The following CRYBG2 variants were observed in gnomAD, a reference collection of about 807,000 sequenced individuals.
The protein encoded by CRYBG2 is beta/gamma crystallin domain-containing protein 2.
In CRYBG2, 106 loss-of-function variants were observed where a neutral mutation model predicts 153.4. The ratio of observed to expected loss-of-function variants is 0.69; its 90% CI spans 0.59 to 0.81. The LOEUF is 0.81. Among genes scored for constraint, CRYBG2 ranks in the 30% least tolerant of loss-of-function variants. The probability of loss-of-function intolerance (pLI) is 0.00; values close to 1 mark genes in which losing one functional copy is unlikely to be tolerated. For missense variants in CRYBG2, 1,996 were observed against 2,112.0 expected (o/e 0.95, Z 1.08); for synonymous variants, 851 against 877.8 (o/e 0.97, Z 0.54).
chr1:26,351,856 T>C (rs767553084), intron 1 of CRYBG2, among the ~76,000 whole-genome samples: 7 of 152,162 alleles, frequency 4.6e-5, no homozygotes, highest in Non-Finnish European at 8.8e-5. Context: ...TGCCTATAGA[T>C]GCCCCCTTTT....
chr1:26,329,852 TCTC>T (rs767589494), intron 15 of CRYBG2, among the ~76,000 whole-genome samples: 2 of 152,162 alleles, frequency 1.3e-5, no homozygotes, highest in Non-Finnish European at 2.9e-5. Context: ...TTCAAGCAAT[TCTC>T]CTGCTTCAGC....
Position 26,328,199 on chromosome 1 carries a change from C to T in CRYBG2, c.4578+10G>A, listed in dbSNP as rs776529567. On this transcript the variant is annotated intron_variant, in intron 17 of 19. Transcript: ENST00000308182. Reference sequence around the variant, plus strand: ...CCCCAGACACGCTCAGCTCCAGCCACGCTACCCACCTGCTTGATGGGGTAG... The same window carrying T: ...CCCCAGACACGCTCAGCTCCAGCCATGCTACCCACCTGCTTGATGGGGTAG... 18 of 1,560,720 alleles carry T rather than the reference C, an allele frequency of 1.2e-5. No homozygotes were observed. Among genetic ancestry groups the T allele is most frequent in the African/African-American group, 1.4e-5 (1 of 73,380 alleles).
chr1:26,353,930 G>T (rs527555307), intron 1 of CRYBG2, 106 bp downstream of exon 1: 2 of 398,844 alleles, frequency 5.0e-6, no homozygotes, highest in Non-Finnish European at 8.8e-6. Context: ...TCGGCTCAGG[G>T]TCCTGAATGA....
At position 26,344,430 on chromosome 1, in the gene CRYBG2, G is replaced by A; in HGVS notation, c.2228C>T (p.Thr743Ile). Residue 743 changes from threonine to isoleucine, a missense_variant, in exon 2 of 20, where the codon ACC (threonine) becomes ATC (isoleucine). Coordinates refer to ENST00000308182, the MANE Select transcript of CRYBG2 (RefSeq NM_001039775.4). ...STESQLVSDP[T>I]EGKTCTETSR... ...TGTCTCTGTGCACGTCTTGCCCTCG[G>A]TGGGATCAGAGACAAGCTGGGACTC... The A allele has an allele frequency of 6.6e-7, 1 of 1,524,388 alleles. No homozygotes were observed. The highest frequency in any genetic ancestry group is 2.1e-5 in the Admixed American group (1 of 48,594). The allele number at this position is 1,524,388 out of a possible 1,614,324, so 94.4% of individuals were successfully genotyped here. A position where few individuals can be genotyped will look rare whatever the true frequency, so the allele number is the denominator to read the frequency against.
chr1:26,322,887 C>A lies in CRYBG2; in HGVS notation c.4738-564G>T, dbSNP rs187095733. Among the ~76,000 whole-genome samples the A allele has an allele frequency of 7.2e-5, 11 of 152,278 alleles. 1 individual carries two copies. In the East Asian group the frequency reaches 2.1e-3, roughly 29 times the overall value. ...TGGCCTCATCTCCTGCTACCTCCCC[C>A]TTACTCAACTCACTCTAGCCACCCA... On this transcript the variant is annotated intron_variant, in intron 18 of 19. Coordinates refer to ENST00000308182, the MANE Select transcript of CRYBG2 (RefSeq NM_001039775.4).
Position 26,343,770 on chromosome 1 carries a change from G to A in CRYBG2, c.2888C>T (p.Ala963Val). Residue 963 changes from alanine (A) to valine (V), a missense_variant, in exon 2 of 20, where the codon GCC (alanine) becomes GTC (valine). Transcript: ENST00000308182. The surrounding 1 kb of genome is among the most constrained non-coding windows in gnomAD (Gnocchi z 4.1). ...CCACCCCTCCAGGGGCAGGGAACAG[G>A]CAAGCTTCTCCGTTGGGGATGATCT... ...SERSSPTEKL[A>V]CSLPLEGWSP... 3 of 1,448,456 alleles carry A rather than the reference G, an allele frequency of 2.1e-6. No individual in the cohort carries two copies. Among genetic ancestry groups the A allele is most frequent in the Non-Finnish European group, 2.7e-6 (3 of 1,098,152 alleles). 89.7% of individuals were successfully genotyped at this position (1,448,456 alleles called of 1,614,324 possible). A position where few individuals can be genotyped will look rare whatever the true frequency, so the allele number is the denominator to read the frequency against.
At chr1:26,335,955 C>A in intron 14 of CRYBG2, 140 bp downstream of exon 14, 2 of 625,344 alleles carry the variant, frequency 3.2e-6, no homozygotes, top group South Asian at 3.0e-5. Flanking sequence ...CCATTAAAAC[C>A]TTATTTTGTT....
chr1:26,331,652 C>A, intron 14 of CRYBG2, 34 bp from the exon 15 acceptor site: 1 of 1,608,576 alleles, frequency 6.2e-7, no homozygotes, highest in East Asian at 2.2e-5. Context: ...GGTATCTGAG[C>A]CTACCTGTCC....
At chr1:26,351,491 A>T (rs144252426) in intron 1 of CRYBG2, among the ~76,000 whole-genome samples, 2 of 152,314 alleles carry the variant, frequency 1.3e-5, no homozygotes, top group African/African-American at 4.8e-5. Context: ...CAACTTTCTC[A>T]TGAAAGGTGG....
rs773287037 is a variant in CRYBG2, at chr1:26,345,230, G to T, written c.1428C>A (p.Thr476=). Residue 476 remains threonine, a synonymous_variant, in exon 2 of 20, where the codon ACC becomes ACA. Coordinates refer to ENST00000308182, the MANE Select transcript of CRYBG2 (RefSeq NM_001039775.4). ...GPGAPAASSP[T]RKEVVQGSSA... is the part of the protein sequence containing the mutation. ...TGGACCCCTGCACCACCTCCTTCCG[G>T]GTGGGAGATGAGGCAGCAGGAGCAC... is the stretch of plus-strand genomic sequence containing the variant. The T allele has an allele frequency of 1.3e-6, 2 of 1,534,958 alleles. No individual in the cohort carries two copies. The highest frequency in any genetic ancestry group is 4.7e-5 in the East Asian group (2 of 42,212).
chr1:26,342,572 G>GT (rs2074143671), intron 5 of CRYBG2, among the ~76,000 whole-genome samples, 182 bp downstream of exon 5: 1 of 152,158 alleles, frequency 6.6e-6, no homozygotes, highest in Non-Finnish European at 1.5e-5. Context: ...GCTAATTTTT[G>GT]TATTTTTAGT....
intron 15 of CRYBG2, 96 bp from the exon 16 acceptor site, chr1:26,328,969 G>A (rs972347773): frequency 1.3e-6 from 2 of 1,489,108 alleles, no homozygotes; most frequent in African/African-American, 2.8e-5. Context: ...AGATCTGTAT[G>A]TCAGGCCTTC....
chr1:26,337,629 C>T lies in CRYBG2; in HGVS notation c.3553G>A (p.Val1185Met), dbSNP rs2074078397. The T allele has an allele frequency of 6.2e-7, 1 of 1,613,062 alleles. No individual in the cohort carries two copies. The highest frequency in any genetic ancestry group is 8.5e-7 in the Non-Finnish European group (1 of 1,179,960). The change falls in exon 9 of 20, where the codon GTG becomes ATG. Residue 1185 changes from valine (V) to methionine (M), a missense_variant. Transcript: ENST00000308182. The stretch of plus-strand genomic sequence containing the variant: ...TGAAGGTTGTAGATGTCTCGGCTCA[C>T]TTCCCAGCTGCGGCCCTGAAAGCCT... ...APGFQGRSWE[V>M]SRDIYNLQQP... is the part of the protein sequence containing the mutation.
At chr1:26,329,817 C>T (rs56786979) in intron 15 of CRYBG2, among the ~76,000 whole-genome samples, 19,146 of 152,206 alleles carry the variant, frequency 0.13, 1,368 homozygotes, top group South Asian at 0.21. Context: ...GCAATCTCAG[C>T]TCACTGTAAC....
rs2074220018 is a variant in CRYBG2 at position 26,346,298 on chromosome 1, C to G, written c.360G>C (p.Gln120His). The change falls in exon 2 of 20, where the codon CAG (glutamine) becomes CAC (histidine). Residue 120 changes from glutamine to histidine, a missense_variant. By Grantham distance (24) the Gln-to-His change is conservative (BLOSUM62 0). Coordinates refer to ENST00000308182, the MANE Select transcript of CRYBG2 (RefSeq NM_001039775.4). This position sits in a 1 kb window ranked among gnomAD's most constrained non-coding sequence, Gnocchi z 4.9. ...TGGGAGCTTGGCGGCTGCCATCACT[C>G]TGGTCCACAGCCTCCTTCAGCCTCC... ...PEGRLKEAVD[Q>H]SDGSRQAPRT... 1.3e-5 allele frequency: 21 copies of G among 1,598,274 alleles called. No homozygotes were observed. Among genetic ancestry groups the G allele is most frequent in the East Asian group, 4.5e-5 (2 of 44,842 alleles).
At chr1:26,350,001 G>C (rs2074269855) in intron 1 of CRYBG2, among the ~76,000 whole-genome samples, 1 of 151,914 alleles carries the variant, frequency 6.6e-6, no homozygotes, top group Non-Finnish European at 1.5e-5. Flanking sequence ...TTTTTGTAGA[G>C]TTGGGGTTTC....
In CRYBG2 at chr1:26,344,191, G is replaced by C. The variant is rs1231195592; in HGVS notation, c.2467C>G (p.Leu823Val). 6.5e-7 allele frequency: 1 copy of C among 1,535,780 alleles called. No homozygotes were observed. Among genetic ancestry groups the C allele is most frequent in the South Asian group, 1.2e-5 (1 of 84,014 alleles). The change falls in exon 2 of 20, where the codon CTG becomes GTG. Residue 823 changes from leucine to valine, a missense_variant. Leu to Val is a conservative substitution (Grantham distance 32, BLOSUM62 1). Transcript: ENST00000308182. ...TCCTCCTCCTCCTCTTTCTCTTCCA[G>C]TGAAGGCACCTCCTGGGGTCCGGGG... ...LGPGPQEVPS[L>V]EEKEEEEEEE...
chr1:26,332,950 T>C (rs2074013979), intron 14 of CRYBG2, among the ~76,000 whole-genome samples: 1 of 141,152 alleles, frequency 7.1e-6, no homozygotes, highest in South Asian at 2.2e-4. Flanking sequence ...TGGAAATGTA[T>C]GAGTGTATAT....
chr1:26,336,269 G>T lies in CRYBG2; in HGVS notation c.4072-62C>A. 1 of 1,601,014 alleles carries T rather than the reference G, an allele frequency of 6.2e-7. No individual in the cohort carries two copies. ...GATGGAGTGGGGCCGAGAACAGCGG[G>T]GAGGGGAAAGGTCCGAAATGAGGGG... On this transcript the variant is annotated intron_variant, in intron 13 of 19. Transcript: ENST00000308182. The surrounding 1 kb of genome is among the most constrained non-coding windows in gnomAD (Gnocchi z 4.9).
Sources: gnomAD v4.1 joint callset for allele counts (sites outside exome capture counted in the v4.1 genomes callset) on GRCh38, gnomAD v4.1.1 for gene constraint, Gnocchi (gnomAD v3.1) non-coding constraint, MANE v1.5 for transcripts, NCBI Gene and HGNC (gene_info 2026-07-23, HGNC 2026-07-21) for gene names.